Variants in STXBP5L observed in about 807,000 individuals in gnomAD.
STXBP5L encodes syntaxin-binding protein 5-like.
In STXBP5L, 65 loss-of-function variants were observed where a neutral mutation model predicts 144.5. The observed-to-expected ratio is 0.45, with a 90% confidence interval of 0.37 to 0.55. The LOEUF (loss-of-function observed/expected upper bound fraction) is 0.55. Ranked by LOEUF, STXBP5L falls within the 20% of genes least tolerant of loss-of-function variation. The pLI is 0.00. For synonymous variants in STXBP5L, 505 were observed against 469.6 expected (o/e 1.08, Z -0.97); for missense variants, 1,298 against 1,405.5 (o/e 0.92, Z 1.22).
chr3:121,211,804 T>A (rs2048581408), intron 10 of STXBP5L, among the ~76,000 whole-genome samples: 1 of 151,952 alleles, frequency 6.6e-6, no homozygotes, highest in African/African-American at 2.4e-5. Flanking sequence ...ATGGTCTCCA[T>A]CTCTTGACCT....
chr3:121,169,362 G>T (rs573884948), intron 9 of STXBP5L, among the ~76,000 whole-genome samples: 5 of 152,116 alleles, frequency 3.3e-5, no homozygotes, highest in Admixed American at 2.0e-4. Context: ...ATATAAACGG[G>T]CTAAATGCCC....
chr3:121,006,391 T>G (rs1380623487), intron 3 of STXBP5L, among the ~76,000 whole-genome samples: 1 of 152,156 alleles, frequency 6.6e-6, no homozygotes, highest in Non-Finnish European at 1.5e-5. Context: ...CTTTTTTTGT[T>G]TTCCATTTGC....
intron 3 of STXBP5L, among the ~76,000 whole-genome samples, chr3:121,034,722 C>T (rs996865997): frequency 1.3e-5 from 2 of 152,082 alleles, no homozygotes; most frequent in African/African-American, 4.8e-5. Flanking sequence ...GATTTCTTCT[C>T]CTTTGGGTAG....
At chr3:121,346,949 TA>T (rs1342043057) in intron 20 of STXBP5L, among the ~76,000 whole-genome samples, 3 of 152,246 alleles carry the variant, frequency 2.0e-5, no homozygotes, top group Admixed American at 6.5e-5. Context: ...AGAAGGTCTT[TA>T]GTTTAATTAG....
chr3:121,394,803 C>T lies in STXBP5L; in HGVS notation c.2588-12440C>T, dbSNP rs565838925. 3.3e-5 allele frequency among the ~76,000 whole-genome samples: 5 copies of T among 152,024 alleles called. No individual in the cohort carries two copies. In the East Asian group the frequency reaches 9.7e-4, roughly 29 times the overall value. On this transcript the variant is annotated intron_variant, in intron 22 of 26. Transcript: ENST00000471454. The stretch of plus-strand genomic sequence containing the variant: ...GCATTTTTTAGTAGAGACAGGGTTT[C>T]ACATGTTAGCCAGGATGGTCTTGAT...
intron 20 of STXBP5L, among the ~76,000 whole-genome samples, chr3:121,327,010 T>A (rs2044169119): frequency 6.6e-6 from 1 of 152,148 alleles, no homozygotes; most frequent in African/African-American, 2.4e-5. Flanking sequence ...AGTAGCCATA[T>A]GCAGACTTTG....
intron 22 of STXBP5L, among the ~76,000 whole-genome samples, chr3:121,385,066 C>T (rs2046397734): frequency 6.6e-6 from 1 of 151,930 alleles, no homozygotes; most frequent in Non-Finnish European, 1.5e-5. Flanking sequence ...TAATCAAACT[C>T]AAGATTTAAA....
chr3:121,085,003 A>C (rs1030410358), intron 5 of STXBP5L, among the ~76,000 whole-genome samples: 1 of 149,192 alleles, frequency 6.7e-6, no homozygotes, highest in Non-Finnish European at 1.5e-5. Flanking sequence ...TGTCAACCGC[A>C]TGTATGTCTT....
chr3:121,043,228 A>T (rs1470067092), intron 4 of STXBP5L, among the ~76,000 whole-genome samples: 2 of 151,780 alleles, frequency 1.3e-5, no homozygotes, highest in Non-Finnish European at 2.9e-5. Context: ...TGGTTTTTCT[A>T]TTCTTAGTTT....
At chr3:121,249,000 A>G (rs1047789172) in intron 14 of STXBP5L, among the ~76,000 whole-genome samples, 13 of 151,974 alleles carry the variant, frequency 8.6e-5, no homozygotes, top group African/African-American at 2.9e-4. Context: ...CCATTGGTCT[A>G]TGTGTCTGTT....
chr3:120,970,090 C>A lies in STXBP5L; in HGVS notation c.287+15053C>A, dbSNP rs978126859. On this transcript the variant is annotated intron_variant, in intron 3 of 26. Coordinates refer to ENST00000471454, the MANE Select transcript of STXBP5L (RefSeq NM_001308330.2). ...CAAACCCTACCCTTTAACACCCCCC[C>A]AATAATTTGATTTATTGGTGTTTCA... is the stretch of plus-strand genomic sequence containing the variant. 3.9e-5 allele frequency among the ~76,000 whole-genome samples: 6 copies of A among 152,108 alleles called. No homozygotes were observed. In the South Asian group the frequency reaches 1.0e-3, roughly 26 times the overall value.
At chr3:121,255,405 TTTCTC>T (rs1165823193) in intron 16 of STXBP5L, among the ~76,000 whole-genome samples, 1 of 152,074 alleles carries the variant, frequency 6.6e-6, no homozygotes, top group Non-Finnish European at 1.5e-5. Flanking sequence ...TTTTCTCACT[TTTCTC>T]TTTGATGTTA....
chr3:120,912,547 C>G (rs1161433636), intron 2 of STXBP5L, among the ~76,000 whole-genome samples: 1 of 151,210 alleles, frequency 6.6e-6, no homozygotes, highest in Non-Finnish European at 1.5e-5. Context: ...AAGCTGTACC[C>G]TTCATAATAA....
chr3:120,950,075 A>T (rs1263208865), intron 2 of STXBP5L, among the ~76,000 whole-genome samples: 1 of 152,044 alleles, frequency 6.6e-6, no homozygotes, highest in African/African-American at 2.4e-5. Flanking sequence ...TTAAAAAATA[A>T]TTTAAAAAAA....
Position 121,423,715 on chromosome 3 carries a change from T to C in STXBP5L, c.*4618T>C, listed in dbSNP as rs1198999708. 1 of 152,246 alleles carries C rather than the reference T, an allele frequency of 6.6e-6. No homozygotes were observed. Among genetic ancestry groups the C allele is most frequent in the Non-Finnish European group, 1.5e-5 (1 of 68,040 alleles). 9.4% of individuals were successfully genotyped at this position (152,246 alleles called of 1,614,324 possible). On this transcript the variant is annotated 3_prime_UTR_variant, in exon 27 of 27. Transcript: ENST00000471454. ...AGGCGGTTCTAATGTCCAGCCAAAG[T>C]TGATTATCACTGCTTTATGGCCAAC...
intron 3 of STXBP5L, among the ~76,000 whole-genome samples, chr3:121,034,851 G>A (rs1291397906): frequency 6.6e-6 from 1 of 152,120 alleles, no homozygotes; most frequent in South Asian, 2.1e-4. Flanking sequence ...CAATGTGTAA[G>A]TGTTCCCTTT....
chr3:121,406,553 T>C (rs1204286691), intron 22 of STXBP5L, among the ~76,000 whole-genome samples: 1 of 152,058 alleles, frequency 6.6e-6, no homozygotes, highest in Non-Finnish European at 1.5e-5. Flanking sequence ...GAAAATCACC[T>C]ATAGGCAATA....
chr3:121,362,451 A>G (rs2045739501), intron 20 of STXBP5L, among the ~76,000 whole-genome samples: 1 of 152,202 alleles, frequency 6.6e-6, no homozygotes, highest in African/African-American at 2.4e-5. Context: ...AACACAAGAC[A>G]GAGTCCTTCC....
At chr3:121,381,851 A>T (rs894300470) in intron 22 of STXBP5L, among the ~76,000 whole-genome samples, 3 of 152,140 alleles carry the variant, frequency 2.0e-5, no homozygotes, top group African/African-American at 7.2e-5. Context: ...TAACAAATTG[A>T]AGCATTACCC....
Sources: gnomAD v4.1 joint callset for allele counts (sites outside exome capture counted in the v4.1 genomes callset) on GRCh38, gnomAD v4.1.1 for gene constraint, MANE v1.5 for transcripts, NCBI Gene and HGNC (gene_info 2026-07-23, HGNC 2026-07-21) for gene names.